NRG1: variants seen among roughly 807,000 people sequenced by gnomAD.
The protein encoded by NRG1 is neuregulin 1.
NRG1 carries 18 observed loss-of-function variants against 63.8 expected under a neutral mutation model. The ratio of observed to expected loss-of-function variants is 0.28; its 90% CI spans 0.19 to 0.42. The LOEUF is 0.42. NRG1 is among the 10% of genes least tolerant of loss of function. The probability of loss-of-function intolerance (pLI) is 1.00; values close to 1 mark genes in which losing one functional copy is unlikely to be tolerated. For synonymous variants in NRG1, 302 were observed against 301.3 expected (o/e 1.00, Z -0.02); for missense variants, 762 against 814.7 (o/e 0.94, Z 0.79).
intron 1 of NRG1, among the ~76,000 whole-genome samples, chr8:31,953,129 A>G (rs1483153873): frequency 6.6e-6 from 1 of 152,172 alleles, no homozygotes; most frequent in Non-Finnish European, 1.5e-5. Flanking sequence ...CTGAGATTCA[A>G]TAGGAAACAC....
At chr8:32,702,779 G>A (rs1157472442) in intron 5 of NRG1, among the ~76,000 whole-genome samples, 2 of 152,122 alleles carry the variant, frequency 1.3e-5, no homozygotes, top group Non-Finnish European at 2.9e-5. Context: ...ACCATGCCAG[G>A]CCTGAATTTT....
At chr8:32,008,910 A>C (rs1814256825) in intron 1 of NRG1, among the ~76,000 whole-genome samples, 1 of 152,056 alleles carries the variant, frequency 6.6e-6, no homozygotes, top group African/African-American at 2.4e-5. Flanking sequence ...GAAAATCTGC[A>C]CATCACTCAT....
intron 1 of NRG1, among the ~76,000 whole-genome samples, chr8:32,119,458 A>G (rs1833156818): frequency 6.6e-6 from 1 of 152,070 alleles, no homozygotes; most frequent in African/African-American, 2.4e-5. Flanking sequence ...TTTAAAGGCA[A>G]TCCATCTTCT....
intron 1 of NRG1, among the ~76,000 whole-genome samples, chr8:32,076,727 A>AC (rs1341459461): frequency 6.6e-6 from 1 of 151,782 alleles, no homozygotes; most frequent in Non-Finnish European, 1.5e-5. Flanking sequence ...AAGTAAAAAA[A>AC]AAAAAAATTA....
intron 1 of NRG1, among the ~76,000 whole-genome samples, chr8:31,748,307 T>A (rs984455880): frequency 3.3e-5 from 5 of 151,954 alleles, no homozygotes; most frequent in African/African-American, 1.2e-4. Context: ...ATTAACTCAT[T>A]GAGTCCTCAC....
At chr8:32,048,434 CATATATACATACATAT>C (rs1225824510) in intron 1 of NRG1, among the ~76,000 whole-genome samples, 12 of 73,100 alleles carry the variant, frequency 1.6e-4, no homozygotes, top group African/African-American at 6.3e-4. Context: ...CATATGTACA[CATATATACATACATAT>C]ATATATATAT....
chr8:32,628,469 A>C (rs950240646), intron 5 of NRG1, among the ~76,000 whole-genome samples: 1 of 152,144 alleles, frequency 6.6e-6, no homozygotes, highest in Non-Finnish European at 1.5e-5. Flanking sequence ...GGTATGTTTT[A>C]GGATACATAG....
intron 1 of NRG1, among the ~76,000 whole-genome samples, chr8:31,734,368 T>C (rs1394643458): frequency 1.3e-5 from 2 of 152,150 alleles, no homozygotes; most frequent in Non-Finnish European, 2.9e-5. Context: ...CTGGCAACAG[T>C]GAGTCTGTCT....
intron 1 of NRG1, among the ~76,000 whole-genome samples, chr8:32,468,709 ATTT>A (rs1823379995): frequency 7.3e-6 from 1 of 136,446 alleles, no homozygotes; most frequent in African/African-American, 2.8e-5. Context: ...TATTTGAGCA[ATTT>A]AACATTACAG....
At chr8:31,783,169 A>G (rs768739211) in intron 1 of NRG1, among the ~76,000 whole-genome samples, 4 of 152,202 alleles carry the variant, frequency 2.6e-5, no homozygotes, top group Admixed American at 2.0e-4. Context: ...CAGTCCAAAC[A>G]ATGGTGACAG....
At chr8:31,871,808 CG>C in intron 1 of NRG1, among the ~76,000 whole-genome samples, 1 of 152,110 alleles carries the variant, frequency 6.6e-6, no homozygotes, top group Non-Finnish European at 1.5e-5. Context: ...TGTTGGCCCA[CG>C]ACACATAATG....
chr8:32,501,150 A>G (rs140074329), intron 1 of NRG1, among the ~76,000 whole-genome samples: 117 of 152,332 alleles, frequency 7.7e-4, no homozygotes, highest in Middle Eastern at 3.4e-3. Flanking sequence ...TTATCTGTGA[A>G]TGACAATGAC....
chr8:31,943,145 AAAG>A (rs1430973312), intron 1 of NRG1, among the ~76,000 whole-genome samples: 1 of 152,190 alleles, frequency 6.6e-6, no homozygotes, highest in African/African-American at 2.4e-5. Context: ...ACCAGTGGAT[AAAG>A]AAGATATGAC....
At chr8:32,189,693 GC>G (rs1372986834) in intron 1 of NRG1, among the ~76,000 whole-genome samples, 8 of 152,050 alleles carry the variant, frequency 5.3e-5, no homozygotes, top group African/African-American at 1.9e-4. Context: ...CAATTTGGTG[GC>G]CCTCTTAGTG....
chr8:32,174,255 A>G (rs1840423735), intron 1 of NRG1, among the ~76,000 whole-genome samples: 1 of 151,882 alleles, frequency 6.6e-6, no homozygotes, highest in African/African-American at 2.4e-5. Context: ...GTACATAACA[A>G]AATGAAATTA....
intron 1 of NRG1, among the ~76,000 whole-genome samples, chr8:31,748,986 G>C (rs1816174946): frequency 6.6e-6 from 1 of 151,814 alleles, no homozygotes; most frequent in Non-Finnish European, 1.5e-5. Context: ...TTTCTTTTCA[G>C]TAATAAAAAT....
upstream of NRG1, among the ~76,000 whole-genome samples, chr8:32,546,903 A>G (rs1234257445): frequency 6.6e-6 from 1 of 152,138 alleles, no homozygotes; most frequent in Non-Finnish European, 1.5e-5. Context: ...TCCAGACTGC[A>G]CTTTTATTTA....
At chr8:32,444,046 CTTTT>C (rs967033352) in intron 1 of NRG1, among the ~76,000 whole-genome samples, 1 of 143,370 alleles carries the variant, frequency 7.0e-6, no homozygotes, top group Non-Finnish European at 1.5e-5. Flanking sequence ...TCCTTCCTTT[CTTTT>C]TCTTTCTCTC....
chr8:32,154,889 A>G (rs1044432559), intron 1 of NRG1, among the ~76,000 whole-genome samples: 1 of 152,218 alleles, frequency 6.6e-6, no homozygotes, highest in African/African-American at 2.4e-5. Context: ...TAGAACCATA[A>G]TTTCACAGAG....
Sources: allele counts gnomAD v4.1 joint callset (sites outside exome capture counted in the v4.1 genomes callset), GRCh38; gene constraint gnomAD v4.1.1; transcripts MANE v1.5; gene names NCBI Gene and HGNC (gene_info 2026-07-23, HGNC 2026-07-21).